The following CDH13 variants were observed in gnomAD, a reference collection of about 807,000 sequenced individuals.
The protein encoded by CDH13 is cadherin 13.
In CDH13, 24 loss-of-function variants were observed where a neutral mutation model predicts 63.8. That is an observed-to-expected ratio of 0.38 (90% CI 0.27 to 0.53). CDH13 has a LOEUF of 0.53. CDH13 is among the 20% of genes least tolerant of loss of function. The pLI is 0.85. For synonymous variants in CDH13, 503 were observed against 355.3 expected (o/e 1.42, Z -4.67); for missense variants, 1,049 against 903.1 (o/e 1.16, Z -2.07).
chr16:82,748,524 G>A (rs142415837), intron 1 of CDH13, among the ~76,000 whole-genome samples: 2 of 152,272 alleles, frequency 1.3e-5, no homozygotes, highest in East Asian at 3.9e-4. Context: ...TTCTGTTGGT[G>A]GTGGTGGTTG....
In CDH13 at chr16:83,433,977, C is replaced by G. The variant is rs114693895; in HGVS notation, c.782-52500C>G. ...TCAATCTTTTCTATTACTTATTTTT[C>G]TTTCCTTTCTAGCAAGGTTAATATG... On this transcript the variant is annotated intron_variant, in intron 6 of 13. Transcript: ENST00000567109. Among the ~76,000 whole-genome samples, 609 of 152,038 alleles carry G rather than the reference C, an allele frequency of 4.0e-3. 7 individuals are homozygous for G. Among genetic ancestry groups the G allele is most frequent in the African/African-American group, 0.014 (565 of 41,474 alleles).
intron 6 of CDH13, among the ~76,000 whole-genome samples, chr16:83,486,187 G>T (rs932309666): frequency 3.9e-5 from 6 of 151,946 alleles, no homozygotes; most frequent in South Asian, 2.1e-4. Context: ...ACAGTGGAAT[G>T]AAAGCCCCTG....
intron 10 of CDH13, among the ~76,000 whole-genome samples, chr16:83,708,917 A>G (rs1282416612): frequency 3.3e-5 from 5 of 152,186 alleles, no homozygotes; most frequent in African/African-American, 1.2e-4. Flanking sequence ...TCTGCTACTC[A>G]GGAGGCTGAG....
intron 1 of CDH13, among the ~76,000 whole-genome samples, chr16:82,687,532 G>A (rs1218247368): frequency 6.6e-6 from 1 of 152,142 alleles, no homozygotes; most frequent in African/African-American, 2.4e-5. Flanking sequence ...ATGGTGACAG[G>A]CAAGAGAGAG....
chr16:82,865,846 C>T (rs536266171), intron 2 of CDH13, among the ~76,000 whole-genome samples: 61 of 152,278 alleles, frequency 4.0e-4, no homozygotes, highest in African/African-American at 1.5e-3. Flanking sequence ...TGCAAATTTT[C>T]CAAACTTTTA....
At chr16:82,994,498 G>A (rs933258330) in intron 2 of CDH13, among the ~76,000 whole-genome samples, 1 of 152,100 alleles carries the variant, frequency 6.6e-6, no homozygotes, top group African/African-American at 2.4e-5. Context: ...GCCTTTCATC[G>A]TAATCTCCCA....
rs1421093156 is a variant in CDH13, at chr16:82,762,566, T to G, written c.46-95796T>G. Among the ~76,000 whole-genome samples the G allele has an allele frequency of 2.6e-5, 4 of 152,220 alleles. No homozygotes were observed. The East Asian group carries it at 5.8e-4, about 22-fold the overall frequency. The stretch of plus-strand genomic sequence containing the variant: ...TTAGAAGCCAGACTCTCAGCTTTGC[T>G]TCTTGATCTGCACTTCTCCCCATCT... On this transcript the variant is annotated intron_variant, in intron 1 of 13. Coordinates refer to ENST00000567109, the MANE Select transcript of CDH13 (RefSeq NM_001257.5).
intron 1 of CDH13, among the ~76,000 whole-genome samples, chr16:82,737,983 C>T (rs370486889): frequency 4.1e-4 from 63 of 152,306 alleles, no homozygotes; most frequent in African/African-American, 1.5e-3. Context: ...AGAACACCCA[C>T]CATGCAATCT....
chr16:83,713,419 TA>T (rs1182619643), intron 10 of CDH13, among the ~76,000 whole-genome samples: 2 of 152,036 alleles, frequency 1.3e-5, no homozygotes, highest in Non-Finnish European at 2.9e-5. Context: ...TGCATTCTTT[TA>T]TACAGAGTTG....
intron 7 of CDH13, among the ~76,000 whole-genome samples, chr16:83,513,067 T>A (rs2074611606): frequency 1.3e-5 from 2 of 151,896 alleles, no homozygotes; most frequent in Non-Finnish European, 2.9e-5. Context: ...TTGAATCTCA[T>A]TTTAAGCCCC....
At chr16:82,889,587 G>C (rs2041009108) in intron 2 of CDH13, among the ~76,000 whole-genome samples, 1 of 152,146 alleles carries the variant, frequency 6.6e-6, no homozygotes, top group Admixed American at 6.5e-5. Context: ...CTGGTTTATA[G>C]TATCCACAGG....
At chr16:83,071,454 C>G (rs2032432044) in intron 3 of CDH13, among the ~76,000 whole-genome samples, 1 of 152,162 alleles carries the variant, frequency 6.6e-6, no homozygotes, top group African/African-American at 2.4e-5. Flanking sequence ...TCCCTGAGAG[C>G]TCCTCCAAGC....
chr16:83,781,534 C>T (rs1036536902), intron 12 of CDH13, among the ~76,000 whole-genome samples: 1 of 152,024 alleles, frequency 6.6e-6, no homozygotes, highest in Non-Finnish European at 1.5e-5. Context: ...ATAGCCCTAT[C>T]TCATATCTCA....
intron 6 of CDH13, among the ~76,000 whole-genome samples, chr16:83,449,902 G>A (rs1369098225): frequency 1.3e-5 from 2 of 152,150 alleles, no homozygotes; most frequent in Admixed American, 6.5e-5. Context: ...AATAAGTGAC[G>A]GCTGCTGTTT....
intron 2 of CDH13, among the ~76,000 whole-genome samples, chr16:83,017,879 TA>T (rs1914958332): frequency 6.6e-6 from 1 of 152,218 alleles, no homozygotes; most frequent in Non-Finnish European, 1.5e-5. Context: ...AGCTGGGTCA[TA>T]AACCAAAGCT....
intron 5 of CDH13, among the ~76,000 whole-genome samples, chr16:83,339,886 G>C (rs1217635361): frequency 2.6e-5 from 4 of 152,122 alleles, no homozygotes; most frequent in Non-Finnish European, 5.9e-5. Flanking sequence ...CCACTTCCCT[G>C]GATGATCCAT....
intron 1 of CDH13, among the ~76,000 whole-genome samples, chr16:82,759,724 C>G (rs554105280): frequency 1.9e-3 from 284 of 152,094 alleles, no homozygotes; most frequent in African/African-American, 6.6e-3. Context: ...CAGCACACCT[C>G]AAAAGAATAG....
Position 83,047,204 on chromosome 16 carries a change from C to G in CDH13, c.366+14986C>G, listed in dbSNP as rs1398589416. On this transcript the variant is annotated intron_variant, in intron 3 of 13. Transcript: ENST00000567109. This position sits in a 1 kb window ranked among gnomAD's most constrained non-coding sequence, Gnocchi z 4.9. ...AGCAGACTTTATCTGAAGACCACCT[C>G]CTGCCCCTCACTCTTACTCCAGAGG... Among the ~76,000 whole-genome samples, 1 of 152,144 alleles carries G rather than the reference C, an allele frequency of 6.6e-6. No homozygotes were observed. Among genetic ancestry groups the G allele is most frequent in the Non-Finnish European group, 1.5e-5 (1 of 68,016 alleles).
At chr16:83,794,095 G>A (rs1250345118) in intron 13 of CDH13, among the ~76,000 whole-genome samples, 5 of 152,172 alleles carry the variant, frequency 3.3e-5, no homozygotes, top group African/African-American at 1.2e-4. Flanking sequence ...GGGAACGGAT[G>A]CTTTCCTAGA....
Sources: gnomAD v4.1 joint callset for allele counts (sites outside exome capture counted in the v4.1 genomes callset) on GRCh38, gnomAD v4.1.1 for gene constraint, Gnocchi (gnomAD v3.1) non-coding constraint, MANE v1.5 for transcripts, NCBI Gene and HGNC (gene_info 2026-07-23, HGNC 2026-07-21) for gene names.